Variants in ROBO2 observed in about 807,000 individuals in gnomAD.
The protein encoded by ROBO2 is roundabout guidance receptor 2.
A neutral mutation model predicts 160.8 loss-of-function variants in ROBO2; 53 were observed. The ratio of observed to expected loss-of-function variants is 0.33; its 90% CI spans 0.26 to 0.41. ROBO2 has a LOEUF of 0.41. Ranked by LOEUF, ROBO2 falls within the 10% of genes least tolerant of loss-of-function variation. ROBO2 has a pLI of 1.00. For synonymous variants in ROBO2, 664 were observed against 611.7 expected, an observed-to-expected ratio of 1.09 and a Z score of -1.26; for missense variants, 1,577 against 1,722.4, an observed-to-expected ratio of 0.92 and a Z score of 1.49.
intron 2 of ROBO2, among the ~76,000 whole-genome samples, chr3:77,165,584 A>G (rs182579314): frequency 6.6e-6 from 1 of 151,620 alleles, no homozygotes; most frequent in Non-Finnish European, 1.5e-5. Context: ...AAAAAAAATC[A>G]GTGATAATTT....
At chr3:77,449,653 C>A (rs2080921096) in intron 2 of ROBO2, among the ~76,000 whole-genome samples, 1 of 152,062 alleles carries the variant, frequency 6.6e-6, no homozygotes, top group Non-Finnish European at 1.5e-5. Context: ...AACAGCACTG[C>A]AGTTTTTGCG....
intron 2 of ROBO2, among the ~76,000 whole-genome samples, chr3:77,112,466 A>C (rs2073749098): frequency 6.6e-6 from 1 of 151,726 alleles, no homozygotes; most frequent in South Asian, 2.1e-4. Flanking sequence ...CTGGTTTCCA[A>C]CTCCTGATGT....
rs190230261 is a variant in ROBO2 at position 76,988,162 on chromosome 3, A to G, written c.110-109852A>G. On this transcript the variant is annotated intron_variant, in intron 2 of 26. Transcript: ENST00000487694. Reference sequence around the variant, plus strand: ...AGAAAAGTAGATTTTTAAAATAATCAGTTGATGTACTCATTTTTATTAACC... The same window carrying G: ...AGAAAAGTAGATTTTTAAAATAATCGGTTGATGTACTCATTTTTATTAACC... 4.1e-4 allele frequency among the ~76,000 whole-genome samples: 62 copies of G among 152,284 alleles called. No homozygotes were observed. In the East Asian group the frequency reaches 4.4e-3, roughly 11 times the overall value.
chr3:76,304,756 TTCTTTC>T (rs2071248002), intron 2 of ROBO2, among the ~76,000 whole-genome samples: 1 of 130,764 alleles, frequency 7.6e-6, no homozygotes, highest in Non-Finnish European at 1.6e-5. Context: ...CCTTCTTTCT[TTCTTTC>T]TTTCTTTCTT....
At chr3:76,205,945 A>C (rs1435759545) in intron 2 of ROBO2, among the ~76,000 whole-genome samples, 2 of 152,174 alleles carry the variant, frequency 1.3e-5, no homozygotes, top group Non-Finnish European at 2.9e-5. Context: ...GAACTGTTCA[A>C]CTTTTTACTA....
At chr3:76,287,457 G>C (rs1336858633) in intron 2 of ROBO2, among the ~76,000 whole-genome samples, 1 of 151,774 alleles carries the variant, frequency 6.6e-6, no homozygotes, top group African/African-American at 2.4e-5. Flanking sequence ...CACCATGCCC[G>C]AATAATTTTT....
chr3:75,922,632 A>C (rs1947113276), intron 1 of ROBO2, among the ~76,000 whole-genome samples: 1 of 152,118 alleles, frequency 6.6e-6, no homozygotes, highest in Admixed American at 6.6e-5. Context: ...ATTGTTAAAC[A>C]AAATGCAAAA....
chr3:76,360,295 T>A (rs2075432056), intron 2 of ROBO2, among the ~76,000 whole-genome samples: 1 of 152,120 alleles, frequency 6.6e-6, no homozygotes, highest in African/African-American at 2.4e-5. Context: ...TTTATTCATT[T>A]CACTTTCAGA....
intron 2 of ROBO2, among the ~76,000 whole-genome samples, chr3:76,907,160 G>A (rs1307080004): frequency 1.3e-5 from 2 of 152,148 alleles, no homozygotes; most frequent in East Asian, 3.9e-4. Flanking sequence ...AAGGCAGAGG[G>A]TGGTAGAGAA....
intron 2 of ROBO2, among the ~76,000 whole-genome samples, chr3:76,127,900 T>TC (rs1288927636): frequency 1.4e-5 from 2 of 145,306 alleles, no homozygotes; most frequent in African/African-American, 5.0e-5. Flanking sequence ...ATTTCTTTTT[T>TC]TTTTTTTTTT....
intron 1 of ROBO2, among the ~76,000 whole-genome samples, chr3:77,045,791 A>G (rs1011352398): frequency 2.0e-5 from 3 of 152,210 alleles, no homozygotes; most frequent in Non-Finnish European, 4.4e-5. Flanking sequence ...ACCAACCACA[A>G]GAAATCACCA....
At chr3:76,986,795 A>G (rs1160198929) in intron 2 of ROBO2, among the ~76,000 whole-genome samples, 4 of 152,194 alleles carry the variant, frequency 2.6e-5, no homozygotes, top group African/African-American at 7.2e-5. Flanking sequence ...AGCAAATTTT[A>G]TATTACATGC....
intron 2 of ROBO2, among the ~76,000 whole-genome samples, chr3:76,639,990 A>G (rs1242082913): frequency 6.6e-6 from 1 of 152,156 alleles, no homozygotes; most frequent in African/African-American, 2.4e-5. Context: ...AAGAAAATCT[A>G]TTTTTACGGG....
chr3:76,429,757 A>G (rs990678158), intron 2 of ROBO2, among the ~76,000 whole-genome samples: 2 of 152,148 alleles, frequency 1.3e-5, no homozygotes, highest in African/African-American at 4.8e-5. Flanking sequence ...AAATATGACT[A>G]TAAATCAGGG....
At chr3:77,571,693 A>G (rs2093640182) in intron 13 of ROBO2, among the ~76,000 whole-genome samples, 1 of 152,028 alleles carries the variant, frequency 6.6e-6, no homozygotes, top group African/African-American at 2.4e-5. Context: ...CTCTGATTGT[A>G]ATCAACTCTA....
intron 2 of ROBO2, among the ~76,000 whole-genome samples, chr3:76,270,591 C>T (rs1441734098): frequency 6.6e-6 from 1 of 152,012 alleles, no homozygotes; most frequent in African/African-American, 2.4e-5. Context: ...AGCTTAGATT[C>T]GTGTTTGATT....
intron 2 of ROBO2, among the ~76,000 whole-genome samples, chr3:76,893,919 T>C (rs1050450114): frequency 6.6e-6 from 1 of 152,110 alleles, no homozygotes; most frequent in Admixed American, 6.6e-5. Context: ...TGAGAACATA[T>C]GATATTTGTC....
At chr3:77,430,436 GT>G (rs2078654741) in intron 2 of ROBO2, among the ~76,000 whole-genome samples, 1 of 152,078 alleles carries the variant, frequency 6.6e-6, no homozygotes, top group Non-Finnish European at 1.5e-5. Context: ...ATAAAAATGT[GT>G]ATGTACATAT....
intron 2 of ROBO2, among the ~76,000 whole-genome samples, chr3:76,020,344 A>C (rs377076434): frequency 1.3e-5 from 2 of 151,746 alleles, no homozygotes; most frequent in African/African-American, 2.4e-5. Context: ...TAGAAAGTTA[A>C]TTTTTTTACA....
Sources: gnomAD v4.1 joint callset for allele counts (sites outside exome capture counted in the v4.1 genomes callset) on GRCh38, gnomAD v4.1.1 for gene constraint, MANE v1.5 for transcripts, NCBI Gene and HGNC (gene_info 2026-07-23, HGNC 2026-07-21) for gene names.